Variants in ZZEF1 observed in about 807,000 individuals in gnomAD.
ZZEF1 encodes zinc finger ZZ-type and EF-hand domain containing 1.
ZZEF1 carries 157 observed loss-of-function variants against 342.8 expected under a neutral mutation model. That is an observed-to-expected ratio of 0.46 (90% CI 0.40 to 0.52). The LOEUF (loss-of-function observed/expected upper bound fraction) is 0.52, where lower values mean the gene tolerates loss of function less well. Among genes scored for constraint, ZZEF1 ranks in the 20% least tolerant of loss-of-function variants. The pLI is 0.00. For synonymous variants in ZZEF1, 1,505 were observed against 1,429.1 expected (o/e 1.05, Z -1.20); for missense variants, 3,480 against 3,725.6 (o/e 0.93, Z 1.72).
In ZZEF1 at chr17:4,027,286, C is replaced by CTTTTTTTTTTTTTT. The variant is rs1179743466; in HGVS notation, c.6893-2182_6893-2169dup. On this transcript the variant is annotated intron_variant, in intron 42 of 54. Transcript: ENST00000381638. ...GACCTACGCACCCAGCAATATCTCA[C>CTTTTTTTTTTTTTT]TTTTTTTTTTTTTTTTTTTTTTTTT... 4.4e-4 allele frequency among the ~76,000 whole-genome samples: 30 copies of CTTTTTTTTTTTTTT among 67,978 alleles called. 7 individuals carry two copies. The highest frequency in any genetic ancestry group is 1.7e-3 in the African/African-American group (26 of 14,910). 44.6% of individuals were successfully genotyped at this position (67,978 alleles called of 152,430 possible).
chr17:4,024,925 T>C lies in ZZEF1; in HGVS notation c.7086A>G (p.Thr2362=). ...TGGAGAAGCTCCCCATTACCTTTAG[T>C]GTTTTATACAATCCTTTCAGGGCCA... ...LSLALKGLYK[T]LKAHGFEEIR... Residue 2362 remains threonine (T), a synonymous_variant, in exon 43 of 55, where the codon ACA becomes ACG. Transcript: ENST00000381638. The C allele has an allele frequency of 3.7e-6, 6 of 1,614,202 alleles. No individual in the cohort carries two copies. Among genetic ancestry groups the C allele is most frequent in the Non-Finnish European group, 5.1e-6 (6 of 1,180,018 alleles).
intron 1 of ZZEF1, among the ~76,000 whole-genome samples, chr17:4,136,884 C>A (rs895166812): frequency 4.6e-5 from 7 of 152,056 alleles, no homozygotes; most frequent in African/African-American, 7.2e-5. Flanking sequence ...GCCTCTCAAG[C>A]CTTGTTGTGA....
Position 4,076,892 on chromosome 17 carries a change from C to G in ZZEF1, c.3087G>C (p.Val1029=), listed in dbSNP as rs1188925289. 2 of 1,614,032 alleles carry G rather than the reference C, an allele frequency of 1.2e-6. No homozygotes were observed. The highest frequency in any genetic ancestry group is 2.7e-5 in the African/African-American group (2 of 74,918). The part of the protein sequence containing the change: ...KTIVERLCNS[V]FSMAARQLVI... ...CCAGTTGACGAGCTGCCATTGAAAA[C>G]ACTGAGTTACATAATCTTTCTACTA... Residue 1029 remains valine, a synonymous_variant, in exon 20 of 55, where the codon GTG becomes GTC. Transcript: ENST00000381638.
rs2056151716 is a variant in ZZEF1 at position 4,017,816 on chromosome 17, T to C, written c.7641+20A>G. 6.2e-7 allele frequency: 1 copy of C among 1,614,108 alleles called. No homozygotes were observed. Among genetic ancestry groups the C allele is most frequent in the South Asian group, 1.1e-5 (1 of 91,074 alleles). On this transcript the variant is annotated intron_variant, in intron 47 of 54. Transcript: ENST00000381638. This position sits in a 1 kb window ranked among gnomAD's most constrained non-coding sequence, Gnocchi z 5.1. Reference sequence around the variant, plus strand: ...GGGGATGGGGTGCAGATACTTTGGGTCCGAGGTCGGGTGACATACCAAGCA... The same window carrying C: ...GGGGATGGGGTGCAGATACTTTGGGCCCGAGGTCGGGTGACATACCAAGCA...
chr17:4,109,111 A>C (rs1161088124), intron 6 of ZZEF1, among the ~76,000 whole-genome samples: 1 of 152,164 alleles, frequency 6.6e-6, no homozygotes, highest in Non-Finnish European at 1.5e-5. Context: ...TTAATTTAGT[A>C]CCCTGAAAAG....
chr17:4,083,884 C>T (rs561972742), intron 16 of ZZEF1, among the ~76,000 whole-genome samples: 19 of 152,240 alleles, frequency 1.2e-4, no homozygotes, highest in Middle Eastern at 3.4e-3. Flanking sequence ...GCATTAGAAA[C>T]GCCTTTTTAA....
At position 4,006,985 on chromosome 17, in the gene ZZEF1, A is replaced by G. The variant is rs746575148; in HGVS notation, c.8806-15T>C. ...TTCTGCAGAGCCTGTAGAGGGAAAA[A>G]GAGTTGTCGCCAATGTCGGGAGCCA... On this transcript the variant is annotated splice_polypyrimidine_tract_variant and intron_variant, in intron 54 of 54. Transcript: ENST00000381638. 6.4e-7 allele frequency: 1 copy of G among 1,572,958 alleles called. No individual in the cohort carries two copies. The highest frequency in any genetic ancestry group is 8.6e-7 in the Non-Finnish European group (1 of 1,157,724).
Position 4,086,577 on chromosome 17 carries a change from A to C in ZZEF1, c.2421T>G (p.Asp807Glu). ...LQSCFSVLQG[D>E]VLAASEEEKA... ...TTTCCTCCTCAGAAGCAGCCAGTACATCTCCCTGCAGCACAGAGAAGCAGC... is the reference window on the plus strand; with the variant it reads ...TTTCCTCCTCAGAAGCAGCCAGTACCTCTCCCTGCAGCACAGAGAAGCAGC... The change falls in exon 15 of 55, where the codon GAT (aspartate) becomes GAG (glutamate). Residue 807 changes from aspartate (D) to glutamate (E), a missense_variant. Physicochemically the swap from Asp to Glu is conservative, Grantham distance 45 (BLOSUM62 2). Around this residue, in one of 5 missense-constraint regions of ZZEF1, gnomAD observed 1,528 missense variants for 1,624.1 expected, o/e 0.94. Coordinates refer to ENST00000381638, the MANE Select transcript of ZZEF1 (RefSeq NM_015113.4). 1 of 1,614,194 alleles carries C rather than the reference A, an allele frequency of 6.2e-7. No homozygotes were observed. Among genetic ancestry groups the C allele is most frequent in the East Asian group, 2.2e-5 (1 of 44,884 alleles).
At chr17:4,029,999 C>A (rs527452528) in intron 42 of ZZEF1, among the ~76,000 whole-genome samples, 1 of 144,116 alleles carries the variant, frequency 6.9e-6, no homozygotes, top group Non-Finnish European at 1.5e-5. Context: ...AGTTTGAGAT[C>A]AACCTGGGCA....
chr17:4,080,024 C>A (rs374479747), intron 18 of ZZEF1, among the ~76,000 whole-genome samples: 1 of 152,180 alleles, frequency 6.6e-6, no homozygotes, highest in East Asian at 1.9e-4. Context: ...AGAGATAGTT[C>A]TTGGTTTCCT....
At chr17:4,106,400 C>T (rs1344109223) in intron 6 of ZZEF1, among the ~76,000 whole-genome samples, 2 of 150,754 alleles carry the variant, frequency 1.3e-5, no homozygotes, top group Admixed American at 6.6e-5. Flanking sequence ...TTAAGTAGTA[C>T]TAGAAAAACT....
At chr17:4,054,719 T>C (rs2057120201) in intron 33 of ZZEF1, among the ~76,000 whole-genome samples, 1 of 152,116 alleles carries the variant, frequency 6.6e-6, no homozygotes, top group African/African-American at 2.4e-5. Context: ...GAGTTACAGA[T>C]TGTTTTTAGA....
chr17:4,123,304 T>TAC (rs2058519047), intron 2 of ZZEF1, among the ~76,000 whole-genome samples: 1 of 127,562 alleles, frequency 7.8e-6, no homozygotes, highest in Non-Finnish European at 1.7e-5. Context: ...TATATATATA[T>TAC]ATATATCAGA....
intron 38 of ZZEF1, 50 bp from the exon 39 acceptor site, chr17:4,042,618 G>T: frequency 6.3e-7 from 1 of 1,584,860 alleles, no homozygotes; most frequent in Non-Finnish European, 8.6e-7. Flanking sequence ...CCACATGTAT[G>T]AAGAGGCAAG....
chr17:4,093,352 G>C (rs1038198070), intron 11 of ZZEF1, among the ~76,000 whole-genome samples: 1 of 152,148 alleles, frequency 6.6e-6, no homozygotes, highest in African/African-American at 2.4e-5. Flanking sequence ...ATTCATTAAA[G>C]GGCTGAAACG....
At chr17:4,073,086 G>A (rs2057542157) in intron 24 of ZZEF1, among the ~76,000 whole-genome samples, 1 of 152,114 alleles carries the variant, frequency 6.6e-6, no homozygotes, top group South Asian at 2.1e-4. Context: ...TTTAATTATG[G>A]AAAAACATTC....
intron 9 of ZZEF1, among the ~76,000 whole-genome samples, chr17:4,099,476 C>T (rs1409550556): frequency 6.6e-6 from 1 of 152,136 alleles, no homozygotes; most frequent in Non-Finnish European, 1.5e-5. Context: ...CCCACCTCTG[C>T]CTCCCAAAGT....
At position 4,085,725 on chromosome 17, in the gene ZZEF1, G is replaced by A. The variant is rs770128020; in HGVS notation, c.2591C>T (p.Ala864Val). The change falls in exon 16 of 55, where the codon GCT becomes GTT. Residue 864 changes from alanine to valine, a missense_variant. This residue lies in a region of ZZEF1 where 1,528 missense variants were observed against 1,624.1 expected (regional missense o/e 0.94). Coordinates refer to ENST00000381638, the MANE Select transcript of ZZEF1 (RefSeq NM_015113.4). ...QEVRNTLLNGAAIFFPNRQTR... is the reference protein window; with the variant it reads ...QEVRNTLLNGVAIFFPNRQTR... ...CTGTCGATTAGGAAAGAAGATGGCA[G>A]CCCCATTGAGAAGGGTATTCCTGAC... The A allele has an allele frequency of 1.2e-6, 2 of 1,614,172 alleles. No individual in the cohort carries two copies. The highest frequency in any genetic ancestry group is 2.2e-5 in the South Asian group (2 of 91,084).
At position 4,075,397 on chromosome 17, in the gene ZZEF1, A is replaced by G. The variant is rs553029259; in HGVS notation, c.3267T>C (p.Pro1089=). 10 of 1,614,196 alleles carry G rather than the reference A, an allele frequency of 6.2e-6. No individual in the cohort carries two copies. In the East Asian group the frequency reaches 2.0e-4, roughly 32 times the overall value. The change falls in exon 22 of 55, where the codon CCT becomes CCC. Residue 1089 remains proline, a synonymous_variant. Transcript: ENST00000381638. ...CCTTCGTCCACGTATGTAACACCAC[A>G]GGCTGTTCCTGTTGCCAGGTCTCAA... ...LDVETWQQEQ[P]VVLHTWTKES... is the part of the protein sequence containing the mutation.
Sources: allele counts gnomAD v4.1 joint callset (sites outside exome capture counted in the v4.1 genomes callset), GRCh38; gene constraint gnomAD v4.1.1; regional missense constraint gnomAD v4.1.1; non-coding constraint Gnocchi (gnomAD v3.1); transcripts MANE v1.5; gene names NCBI Gene and HGNC (gene_info 2026-07-23, HGNC 2026-07-21).